Variants in UBTD2 observed in about 807,000 individuals in gnomAD.
UBTD2 encodes the protein ubiquitin domain containing 2.
In UBTD2, 9 loss-of-function variants were observed where a neutral mutation model predicts 19.8. The observed-to-expected ratio is 0.46, with a 90% CI of 0.27 to 0.79. The LOEUF (loss-of-function observed/expected upper bound fraction) is 0.79, where lower values mean the gene tolerates loss of function less well. Among genes scored for constraint, UBTD2 ranks in the 30% least tolerant of loss-of-function variants. The pLI is 0.14. For missense variants in UBTD2, 250 were observed against 300.4 expected (o/e 0.83, Z 1.24); for synonymous variants, 98 against 103.9 (o/e 0.94, Z 0.35).
intron 1 of UBTD2, among the ~76,000 whole-genome samples, chr5:172,241,413 TAA>T (rs1175413571): frequency 0.027 from 3,205 of 118,184 alleles, 125 homozygotes; most frequent in African/African-American, 0.093. Context: ...CTGTCTCAAT[TAA>T]AAAAAAAAAA....
chr5:172,282,381 G>A (rs1028895033), intron 1 of UBTD2, among the ~76,000 whole-genome samples: 1 of 152,098 alleles, frequency 6.6e-6, no homozygotes, highest in Admixed American at 6.6e-5. Flanking sequence ...TATTTACCCA[G>A]GATTTAGTCA....
intron 2 of UBTD2, among the ~76,000 whole-genome samples, chr5:172,217,069 G>GA (rs959238841): frequency 6.6e-5 from 10 of 152,012 alleles, no homozygotes; most frequent in Non-Finnish European, 1.3e-4. Flanking sequence ...CTAAAGCATA[G>GA]AAAAAACCAC....
intron 2 of UBTD2, among the ~76,000 whole-genome samples, chr5:172,224,964 C>T (rs1056057997): frequency 2.6e-5 from 4 of 152,160 alleles, no homozygotes; most frequent in African/African-American, 9.7e-5. Flanking sequence ...TTTTACAAAA[C>T]GTTTTAATTA....
intron 2 of UBTD2, among the ~76,000 whole-genome samples, chr5:172,216,578 C>A (rs1771545770): frequency 8.6e-6 from 1 of 116,456 alleles, no homozygotes; most frequent in Non-Finnish European, 1.6e-5. Flanking sequence ...CATAGGGAAA[C>A]CCCATCTCTA....
Position 172,283,752 on chromosome 5 carries a change from C to A in UBTD2, c.-87G>T. On this transcript the variant is annotated 5_prime_UTR_variant, in exon 1 of 3. Coordinates refer to ENST00000393792, the MANE Select transcript of UBTD2 (RefSeq NM_152277.3). The surrounding 1 kb of genome is among the most constrained non-coding windows in gnomAD (Gnocchi z 4.3). ...GCTGCAGCCTCCTCCGGCGCCACCGCCGAGCTCCGGACAGGCGCGCCGCTC... is the reference window on the plus strand; with the variant it reads ...GCTGCAGCCTCCTCCGGCGCCACCGACGAGCTCCGGACAGGCGCGCCGCTC... 1.0e-6 allele frequency: 1 copy of A among 996,858 alleles called. No individual in the cohort carries two copies. The highest frequency in any genetic ancestry group is 1.2e-6 in the Non-Finnish European group (1 of 800,988). 61.8% of individuals were successfully genotyped at this position (996,858 alleles called of 1,614,324 possible).
At chr5:172,220,420 G>A (rs13163310) in intron 2 of UBTD2, among the ~76,000 whole-genome samples, 15,614 of 152,208 alleles carry the variant, frequency 0.1, 829 homozygotes, top group South Asian at 0.16. Context: ...TGGATCCCCT[G>A]AGGTGGGGAG....
chr5:172,213,318 A>C (rs1181450020), intron 2 of UBTD2, among the ~76,000 whole-genome samples: 3 of 152,202 alleles, frequency 2.0e-5, no homozygotes, highest in Non-Finnish European at 4.4e-5. Context: ...AAATTGAAGC[A>C]CTTGGCAAGA....
chr5:172,266,984 G>A (rs1409653759), intron 1 of UBTD2, among the ~76,000 whole-genome samples: 1 of 149,312 alleles, frequency 6.7e-6, no homozygotes, highest in Non-Finnish European at 1.5e-5. Flanking sequence ...GTTTGAGACT[G>A]CAGTGAACTC....
Position 172,244,827 on chromosome 5 carries a change from C to T in UBTD2, c.71-10469G>A, listed in dbSNP as rs565025475. 3.3e-5 allele frequency among the ~76,000 whole-genome samples: 5 copies of T among 152,030 alleles called. 1 individual carries two copies. The highest frequency in any genetic ancestry group is 1.2e-4 in the African/African-American group (5 of 41,472). The stretch of plus-strand genomic sequence containing the variant: ...CATTGCAACCTCCAACTCCCGGGTT[C>T]AAGCGATTCTCATGCCTCAGCCTCC... On this transcript the variant is annotated intron_variant, in intron 1 of 2. Transcript: ENST00000393792.
intron 1 of UBTD2, among the ~76,000 whole-genome samples, chr5:172,243,358 A>G (rs1772168438): frequency 6.6e-6 from 1 of 151,992 alleles, no homozygotes; most frequent in Admixed American, 6.6e-5. Context: ...ACCCAATGTG[A>G]TAGTATTTGG....
chr5:172,253,880 A>G (rs971904507), intron 1 of UBTD2, among the ~76,000 whole-genome samples: 15 of 152,150 alleles, frequency 9.9e-5, no homozygotes, highest in African/African-American at 3.6e-4. Flanking sequence ...ATTACATCAA[A>G]TGTTATCTAT....
At chr5:172,224,089 AGAG>A (rs1164011928) in intron 2 of UBTD2, among the ~76,000 whole-genome samples, 8 of 151,932 alleles carry the variant, frequency 5.3e-5, no homozygotes, top group Admixed American at 1.3e-4. Context: ...ACAGTATTTG[AGAG>A]GAGTGTGTGA....
At chr5:172,223,326 C>T (rs1202484785) in intron 2 of UBTD2, among the ~76,000 whole-genome samples, 1 of 151,834 alleles carries the variant, frequency 6.6e-6, no homozygotes, top group Non-Finnish European at 1.5e-5. Context: ...AACACTTGGC[C>T]AGGCATGGTG....
chr5:172,213,299 G>A (rs1239633769), intron 2 of UBTD2, among the ~76,000 whole-genome samples: 2 of 152,144 alleles, frequency 1.3e-5, no homozygotes, highest in Non-Finnish European at 2.9e-5. Flanking sequence ...CCCAGTGCCT[G>A]GACTTCCTAA....
At chr5:172,244,150 T>C (rs560515082) in intron 1 of UBTD2, among the ~76,000 whole-genome samples, 2 of 152,168 alleles carry the variant, frequency 1.3e-5, no homozygotes, top group Admixed American at 6.5e-5. Flanking sequence ...AACAACTGAA[T>C]GGATATATGG....
chr5:172,282,744 ATAC>A (rs757754060), intron 1 of UBTD2, among the ~76,000 whole-genome samples: 2 of 152,224 alleles, frequency 1.3e-5, no homozygotes, highest in East Asian at 3.8e-4. Flanking sequence ...TTATACTGCC[ATAC>A]TACAACTACT....
rs201588027 is a variant in UBTD2, at chr5:172,211,888, T to C, written c.647A>G (p.Tyr216Cys). 47 of 1,614,220 alleles carry C rather than the reference T, an allele frequency of 2.9e-5. No individual in the cohort carries two copies. Among genetic ancestry groups the C allele is most frequent in the Admixed American group, 1.0e-4 (6 of 60,028 alleles). ...KFEELKIPKD[Y>C]VVQVIVSQPV... ...TTGGCTCACTATAACCTGTACAACA[T>C]AGTCCTTTGGGATCTTCAGCTCTTC... Residue 216 changes from tyrosine (Y) to cysteine (C), a missense_variant, in exon 3 of 3, where the codon TAT becomes TGT. Tyr to Cys is a radical substitution (Grantham distance 194). Coordinates refer to ENST00000393792, the MANE Select transcript of UBTD2 (RefSeq NM_152277.3).
At chr5:172,254,982 G>A in intron 1 of UBTD2, 1 of 565,632 alleles carries the variant, frequency 1.8e-6, no homozygotes, top group Non-Finnish European at 3.5e-6. Flanking sequence ...AAGGGGATGG[G>A]CTGCACCACC....
chr5:172,223,961 A>G (rs13358102), intron 2 of UBTD2, among the ~76,000 whole-genome samples: 64,906 of 151,948 alleles, frequency 0.43, 14,127 homozygotes, highest in South Asian at 0.58. Context: ...GCCCAACAAC[A>G]TATTTGCTGA....
Sources: allele counts gnomAD v4.1 joint callset (sites outside exome capture counted in the v4.1 genomes callset), GRCh38; gene constraint gnomAD v4.1.1; non-coding constraint Gnocchi (gnomAD v3.1); transcripts MANE v1.5; gene names NCBI Gene and HGNC (gene_info 2026-07-23, HGNC 2026-07-21).